Variants in DYM observed in about 807,000 individuals in gnomAD.
The protein encoded by DYM is dyggve-Melchior-Clausen syndrome protein.
In DYM, 78 loss-of-function variants were observed where a neutral mutation model predicts 93.1. The ratio of observed to expected loss-of-function variants is 0.84; its 90% CI spans 0.70 to 1.01. The LOEUF (loss-of-function observed/expected upper bound fraction) is 1.01. Ranked by LOEUF, DYM falls within the 50% of genes least tolerant of loss-of-function variation. The pLI is 0.00. For missense variants in DYM, 789 were observed against 845.0 expected (o/e 0.93, Z 0.82); for synonymous variants, 321 against 319.7 (o/e 1.00, Z -0.04).
At chr18:49,432,599 A>ATTTTTTT (rs35279467) in intron 1 of DYM, among the ~76,000 whole-genome samples, 11 of 129,566 alleles carry the variant, frequency 8.5e-5, no homozygotes, top group African/African-American at 2.6e-4. Context: ...CAGCATTAAA[A>ATTTTTTT]TTTTTTTTTT....
chr18:49,206,809 C>G (rs1409621686), intron 14 of DYM, among the ~76,000 whole-genome samples: 1 of 152,124 alleles, frequency 6.6e-6, no homozygotes, highest in Admixed American at 6.6e-5. Context: ...AAAAATACCC[C>G]CTGGAGGCTT....
intron 17 of DYM, among the ~76,000 whole-genome samples, chr18:49,087,966 G>A (rs2078697935): frequency 6.6e-6 from 1 of 152,086 alleles, no homozygotes; most frequent in East Asian, 1.9e-4. Flanking sequence ...TGATGGGGTT[G>A]TTTTTTTCTT....
chr18:49,148,920 C>A (rs1600148108), intron 15 of DYM, among the ~76,000 whole-genome samples: 2 of 152,258 alleles, frequency 1.3e-5, no homozygotes, highest in South Asian at 4.2e-4. Context: ...AAGCACATTA[C>A]ATTTATTGTG....
chr18:49,093,181 G>A (rs1023680452), intron 17 of DYM: 1 of 152,126 alleles, frequency 6.6e-6, no homozygotes, highest in African/African-American at 2.4e-5. Context: ...GAATCAGAGT[G>A]GGCTTCATAG....
Position 49,209,672 on chromosome 18 carries a change from T to C in DYM, c.1504A>G (p.Lys502Glu), listed in dbSNP as rs1341553817. 1.2e-5 allele frequency: 15 copies of C among 1,289,020 alleles called. No individual in the cohort carries two copies. The highest frequency in any genetic ancestry group is 1.5e-5 in the Non-Finnish European group (15 of 988,530). 79.8% of individuals were successfully genotyped at this position (1,289,020 alleles called of 1,614,324 possible). ...HLRRYVYVLD[K>E]LYFPHSHCST... ...CAGTGAGAGTGGGGGAAATACAGTT[T>C]GTCCAACACATAAACATATCTCCGC... Residue 502 changes from lysine (K) to glutamate (E), a missense_variant, in exon 14 of 18, where the codon AAA (lysine) becomes GAA (glutamate). Around this residue, in one of 3 missense-constraint regions of DYM, gnomAD observed 225 missense variants for 303.0 expected, o/e 0.74. Coordinates refer to ENST00000675505, the MANE Select transcript of DYM (RefSeq NM_001353214.3).
At position 49,365,321 on chromosome 18, in the gene DYM, C is replaced by A. The variant is rs530997399; in HGVS notation, c.422-2088G>T. Among the ~76,000 whole-genome samples the A allele has an allele frequency of 1.8e-4, 27 of 152,216 alleles. No homozygotes were observed. The East Asian group carries it at 3.1e-3, about 17-fold the overall frequency. On this transcript the variant is annotated intron_variant, in intron 5 of 17. Coordinates refer to ENST00000675505, the MANE Select transcript of DYM (RefSeq NM_001353214.3). ...GAATATTAAATCATGCTGAACACAG[C>A]AATCGATGCTAAAAAGGATACACAG...
chr18:49,286,696 A>C, intron 8 of DYM, 80 bp from the exon 9 acceptor site: 1 of 1,373,096 alleles, frequency 7.3e-7, no homozygotes, highest in Non-Finnish European at 1.0e-6. Context: ...TGTGTAATAT[A>C]ATACAATATG....
chr18:49,205,484 CATAACT>C (rs776482332), intron 14 of DYM, among the ~76,000 whole-genome samples: 4 of 151,858 alleles, frequency 2.6e-5, no homozygotes, highest in Admixed American at 6.6e-5. Flanking sequence ...ATACATATAA[CATAACT>C]ATAATTTTAT....
chr18:49,048,705 TGGCTTTG>T (rs889965925), intron 17 of DYM, among the ~76,000 whole-genome samples: 1 of 152,248 alleles, frequency 6.6e-6, no homozygotes, highest in African/African-American at 2.4e-5. Flanking sequence ...CCTGCCCTCA[TGGCTTTG>T]GGGAAACTCT....
chr18:49,301,813 T>C (rs953788452), intron 8 of DYM, among the ~76,000 whole-genome samples: 1 of 152,192 alleles, frequency 6.6e-6, no homozygotes, highest in African/African-American at 2.4e-5. Flanking sequence ...AGCCTGATAG[T>C]GGCACCTGCA....
intron 13 of DYM, among the ~76,000 whole-genome samples, chr18:49,223,673 G>C (rs2093435615): frequency 6.6e-6 from 1 of 152,054 alleles, no homozygotes; most frequent in Non-Finnish European, 1.5e-5. Flanking sequence ...ACTTGAAATA[G>C]ATGAGATTTT....
intron 5 of DYM, 82 bp from the exon 6 acceptor site, chr18:49,363,315 A>T (rs2066207416): frequency 1.0e-6 from 1 of 958,096 alleles, no homozygotes; most frequent in South Asian, 1.3e-5. Flanking sequence ...TTTCATTCCT[A>T]ATGAGAATAC....
intron 14 of DYM, among the ~76,000 whole-genome samples, chr18:49,199,680 A>G (rs1419137083): frequency 1.3e-5 from 2 of 152,356 alleles, no homozygotes; most frequent in East Asian, 3.9e-4. Flanking sequence ...AAAAATTATT[A>G]CTATAGCTTC....
intron 13 of DYM, among the ~76,000 whole-genome samples, chr18:49,255,841 T>TA (rs2094383316): frequency 1.3e-5 from 2 of 152,084 alleles, no homozygotes; most frequent in Admixed American, 1.3e-4. Flanking sequence ...CCTGCAATGA[T>TA]ATTCACTTAT....
intron 17 of DYM, among the ~76,000 whole-genome samples, chr18:49,085,903 C>A (rs1448133224): frequency 1.3e-5 from 2 of 152,282 alleles, no homozygotes; most frequent in South Asian, 2.1e-4. Flanking sequence ...CTGCTCCTGG[C>A]AACTGGTTCT....
At chr18:49,298,075 G>C (rs944364846) in intron 8 of DYM, among the ~76,000 whole-genome samples, 2 of 152,082 alleles carry the variant, frequency 1.3e-5, no homozygotes, top group Admixed American at 6.6e-5. Context: ...AAGCACTCTT[G>C]AAATATCTGG....
intron 6 of DYM, among the ~76,000 whole-genome samples, chr18:49,360,543 A>C (rs1243768812): frequency 1.3e-5 from 2 of 151,954 alleles, no homozygotes; most frequent in African/African-American, 4.8e-5. Context: ...AATCGCTTCA[A>C]CCCAGGAGGC....
intron 14 of DYM, among the ~76,000 whole-genome samples, chr18:49,194,673 T>G (rs1016641560): frequency 2.6e-5 from 4 of 151,466 alleles, no homozygotes; most frequent in African/African-American, 9.7e-5. Context: ...AATCTAAAAT[T>G]TATTCTGGGT....
intron 13 of DYM, among the ~76,000 whole-genome samples, chr18:49,233,133 G>A (rs978126951): frequency 1.4e-4 from 21 of 152,038 alleles, no homozygotes; most frequent in East Asian, 3.9e-4. Context: ...AGGCCAAGGC[G>A]GGTGGATCAC....
Sources: gnomAD v4.1 joint callset for allele counts (sites outside exome capture counted in the v4.1 genomes callset) on GRCh38, gnomAD v4.1.1 for gene constraint, gnomAD v4.1.1 regional missense constraint, MANE v1.5 for transcripts, NCBI Gene and HGNC (gene_info 2026-07-23, HGNC 2026-07-21) for gene names.